The following NRG1 variants were observed in gnomAD, a reference collection of about 807,000 sequenced individuals.
The protein encoded by NRG1 is neuregulin 1, also known as pro-neuregulin-1, membrane-bound isoform.
A neutral mutation model predicts 63.8 loss-of-function variants in NRG1; 18 were observed. The ratio of observed to expected loss-of-function variants is 0.28; its 90% CI spans 0.19 to 0.42. NRG1 has a LOEUF of 0.42. NRG1 is among the 10% of genes least tolerant of loss of function. The pLI, the probability that NRG1 is intolerant of heterozygous loss-of-function variation, is 1.00. For synonymous variants in NRG1, 302 were observed against 301.3 expected, an observed-to-expected ratio of 1.00 and a Z score of -0.02; for missense variants, 762 against 814.7, an observed-to-expected ratio of 0.94 and a Z score of 0.79.
chr8:31,873,377 G>A (rs1052464211), intron 1 of NRG1, among the ~76,000 whole-genome samples: 2 of 152,192 alleles, frequency 1.3e-5, no homozygotes, highest in African/African-American at 2.4e-5. Context: ...TAACCAACAT[G>A]GTGAAACCCC....
chr8:32,036,553 C>T (rs1819089152), intron 1 of NRG1, among the ~76,000 whole-genome samples: 1 of 152,256 alleles, frequency 6.6e-6, no homozygotes, highest in East Asian at 1.9e-4. Flanking sequence ...CTTCCTGTTT[C>T]TTTCAGGTAC....
At chr8:32,277,715 T>A (rs539500844) in intron 1 of NRG1, among the ~76,000 whole-genome samples, 1 of 152,156 alleles carries the variant, frequency 6.6e-6, no homozygotes, top group South Asian at 2.1e-4. Flanking sequence ...GCTACTGGTA[T>A]GCAGTTGGCA....
At chr8:32,603,785 C>T (rs775191526) in intron 2 of NRG1, among the ~76,000 whole-genome samples, 1 of 152,142 alleles carries the variant, frequency 6.6e-6, no homozygotes, top group Non-Finnish European at 1.5e-5. Flanking sequence ...GTGAAGTTAA[C>T]TTTTCAACCC....
intron 1 of NRG1, among the ~76,000 whole-genome samples, chr8:31,686,089 A>G (rs1360801446): frequency 1.3e-5 from 2 of 152,222 alleles, no homozygotes; most frequent in Non-Finnish European, 2.9e-5. Context: ...TTGGATATAA[A>G]GCACTCTTAT....
rs192203357 is a variant in NRG1 at position 32,104,816 on chromosome 8, A to C, written c.37+465385A>C. On this transcript the variant is annotated intron_variant, in intron 1 of 10. Transcript: ENST00000519301. ...TGTCCTACTGGAAGGTCTTCAGGGT[A>C]AATAACAAGCACGAAGCTGTCATCT... 3.0e-3 allele frequency among the ~76,000 whole-genome samples: 463 copies of C among 152,258 alleles called. 2 individuals are homozygous for C. Among genetic ancestry groups the C allele is most frequent in the African/African-American group, 0.011 (443 of 41,566 alleles).
chr8:32,000,744 A>G (rs1812790280), intron 1 of NRG1, among the ~76,000 whole-genome samples: 1 of 151,902 alleles, frequency 6.6e-6, no homozygotes. Context: ...ATTTATATTC[A>G]TTTTTTCAAA....
intron 1 of NRG1, among the ~76,000 whole-genome samples, chr8:32,497,281 T>C (rs1827315504): frequency 6.6e-6 from 1 of 151,990 alleles, no homozygotes. Flanking sequence ...AACCCGTCTC[T>C]GCTAAAAATA....
intron 5 of NRG1, among the ~76,000 whole-genome samples, chr8:32,707,635 A>G (rs1005688973): frequency 1.3e-5 from 2 of 152,204 alleles, no homozygotes; most frequent in East Asian, 3.9e-4. Context: ...TATTAATAAA[A>G]GATTTAGGTA....
chr8:32,583,706 C>A (rs975140580), intron 1 of NRG1, among the ~76,000 whole-genome samples: 2 of 152,182 alleles, frequency 1.3e-5, no homozygotes, highest in African/African-American at 4.8e-5. Flanking sequence ...CAATGCCCTA[C>A]CCTGGGCTCA....
chr8:32,013,545 C>T (rs963010181), intron 1 of NRG1, among the ~76,000 whole-genome samples: 4 of 152,098 alleles, frequency 2.6e-5, no homozygotes, highest in African/African-American at 9.7e-5. Flanking sequence ...CAGGCCAAGG[C>T]CTCCACAGAG....
chr8:32,548,443 G>A (rs1444193925), exon 1 of NRG1: 1 of 1,152,322 alleles, frequency 8.7e-7, no homozygotes, highest in African/African-American at 1.6e-5. Context: ...CAGAGGCCAG[G>A]ACGCGAGCCG....
chr8:32,352,948 G>A (rs200035209), intron 1 of NRG1, among the ~76,000 whole-genome samples: 6 of 116,428 alleles, frequency 5.2e-5, no homozygotes, highest in Non-Finnish European at 6.3e-5. Context: ...ATGTGTGTGT[G>A]TATATATATA....
intron 1 of NRG1, among the ~76,000 whole-genome samples, chr8:31,809,741 G>GTTTTTTTTTTTTTTTTTTTTTTTTATTT (rs753730069): frequency 8.8e-5 from 6 of 68,028 alleles, no homozygotes; most frequent in Admixed American, 1.9e-4. Context: ...TCTATTAATT[G>GTTTTTTTTTTTTTTTTTTTTTTTTATTT]TTTTTTTTTT....
intron 4 of NRG1, 63 bp downstream of exon 4, chr8:32,614,627 C>G: frequency 9.4e-6 from 14 of 1,496,874 alleles, no homozygotes; most frequent in Non-Finnish European, 1.3e-5. Context: ...GCTGGCTGCT[C>G]CTTCTACTAA....
At chr8:32,601,501 G>C (rs1301504988) in intron 2 of NRG1, among the ~76,000 whole-genome samples, 1 of 152,068 alleles carries the variant, frequency 6.6e-6, no homozygotes, top group Non-Finnish European at 1.5e-5. Flanking sequence ...TTCAAAACAT[G>C]TTTCCTTTTT....
chr8:32,721,338 T>C (rs1339768358), intron 5 of NRG1, among the ~76,000 whole-genome samples: 1 of 152,164 alleles, frequency 6.6e-6, no homozygotes, highest in Non-Finnish European at 1.5e-5. Context: ...CCAGTTAATC[T>C]CCATTGGCCC....
chr8:32,582,100 T>G (rs1840768876), intron 1 of NRG1, among the ~76,000 whole-genome samples: 1 of 151,926 alleles, frequency 6.6e-6, no homozygotes, highest in African/African-American at 2.4e-5. Flanking sequence ...TATTTTGTTT[T>G]GTTTTATTTA....
chr8:31,668,448 A>G (rs1489629944), intron 1 of NRG1, among the ~76,000 whole-genome samples: 1 of 152,094 alleles, frequency 6.6e-6, no homozygotes, highest in Non-Finnish European at 1.5e-5. Flanking sequence ...TTTGTCTTGG[A>G]TTTCCTTTAT....
intron 1 of NRG1, among the ~76,000 whole-genome samples, chr8:32,346,552 G>GATAA (rs1804927480): frequency 6.8e-6 from 1 of 147,508 alleles, no homozygotes. Context: ...CATCTTTTGG[G>GATAA]AAAAAAAAAA....
Sources: allele counts gnomAD v4.1 joint callset (sites outside exome capture counted in the v4.1 genomes callset), GRCh38; gene constraint gnomAD v4.1.1; transcripts MANE v1.5; gene names NCBI Gene and HGNC (gene_info 2026-07-23, HGNC 2026-07-21).